CLU: variants seen among roughly 807,000 people sequenced by gnomAD.
CLU encodes the protein aging-associated protein 4.
CLU carries 25 observed loss-of-function variants against 46.4 expected under a neutral mutation model. The observed-to-expected ratio is 0.54, with a 90% CI of 0.39 to 0.75. CLU has a LOEUF of 0.75. CLU is among the 30% of genes least tolerant of loss of function. The probability of loss-of-function intolerance (pLI) is 0.00; values close to 1 mark genes in which losing one functional copy is unlikely to be tolerated. For missense variants in CLU, 504 were observed against 592.1 expected (o/e 0.85, Z 1.54); for synonymous variants, 235 against 235.1 (o/e 1.00, Z 0.00).
intron 6 of CLU, among the ~76,000 whole-genome samples, chr8:27,601,242 G>A (rs1800716289): frequency 6.6e-6 from 1 of 152,188 alleles, no homozygotes; most frequent in African/African-American, 2.4e-5. Flanking sequence ...GGAGAGACAG[G>A]GTTTCACCAT....
chr8:27,607,353 A>T (rs1423995054), intron 3 of CLU, among the ~76,000 whole-genome samples: 1 of 151,572 alleles, frequency 6.6e-6, no homozygotes, highest in Non-Finnish European at 1.5e-5. Flanking sequence ...ACAAAACAAA[A>T]CAAAACAAAA....
At position 27,599,683 on chromosome 8, in the gene CLU, G is replaced by A; in HGVS notation, c.1164+97C>T. 1 of 926,518 alleles carries A rather than the reference G, an allele frequency of 1.1e-6. No homozygotes were observed. Among genetic ancestry groups the A allele is most frequent in the South Asian group, 1.4e-5 (1 of 71,178 alleles). 57.4% of individuals were successfully genotyped at this position (926,518 alleles called of 1,614,324 possible). ...GGGCGCCTAAAGTTTTCTATTTTCT[G>A]CCGTGTGATAAATGCTCAGTCAAAA... On this transcript the variant is annotated intron_variant, in intron 7 of 8. Transcript: ENST00000316403. The surrounding 1 kb of genome is among the most constrained non-coding windows in gnomAD (Gnocchi z 4.0).
At chr8:27,612,443 T>C (rs908244868) in intron 1 of CLU, among the ~76,000 whole-genome samples, 7 of 152,142 alleles carry the variant, frequency 4.6e-5, no homozygotes, top group African/African-American at 1.7e-4. Context: ...CAAATTAGAC[T>C]GAGGTCTGAG....
At chr8:27,609,495 T>C (rs1418903045) in intron 2 of CLU, among the ~76,000 whole-genome samples, 1 of 149,578 alleles carries the variant, frequency 6.7e-6, no homozygotes, top group Non-Finnish European at 1.5e-5. Context: ...AACAGATATG[T>C]GTATTTCTTT....
chr8:27,610,707 C>T, intron 1 of CLU, 107 bp from the exon 2 acceptor site: 1 of 810,936 alleles, frequency 1.2e-6, no homozygotes. Flanking sequence ...CTCAGCTGTC[C>T]CCACAGCAGG....
intron 6 of CLU, among the ~76,000 whole-genome samples, chr8:27,603,289 C>T (rs1001090891): frequency 6.6e-6 from 1 of 152,234 alleles, no homozygotes; most frequent in African/African-American, 2.4e-5. Flanking sequence ...TGGTTGTGCA[C>T]TCATCTACAG....
rs1319954188 is a variant in CLU at position 27,597,703 on chromosome 8, A to C, written c.*538T>G. ...CGCACCTTGGTCAGAATACATCGACAGTTTTATAATAGAACAGAAAAGCTT... is the reference window on the plus strand; with the variant it reads ...CGCACCTTGGTCAGAATACATCGACCGTTTTATAATAGAACAGAAAAGCTT... On this transcript the variant is annotated 3_prime_UTR_variant, in exon 9 of 9. Coordinates refer to ENST00000316403, the MANE Select transcript of CLU (RefSeq NM_001831.4). The C allele has an allele frequency of 2.2e-6, 1 of 454,250 alleles. No homozygotes were observed. The highest frequency in any genetic ancestry group is 2.3e-5 in the Admixed American group (1 of 42,578). The allele number at this position is 454,250 out of a possible 1,614,324, so 28.1% of individuals were successfully genotyped here.
At position 27,598,206 on chromosome 8, in the gene CLU, G is replaced by T; in HGVS notation, c.*35C>A. On this transcript the variant is annotated 3_prime_UTR_variant, in exon 9 of 9. Coordinates refer to ENST00000316403, the MANE Select transcript of CLU (RefSeq NM_001831.4). ...CTCATCTTGGGGGGAGCTGGACTCA[G>T]ATGCCCCCGTAGGTGCAAAAGCAAC... 1 of 1,611,448 alleles carries T rather than the reference G, an allele frequency of 6.2e-7. No homozygotes were observed. The highest frequency in any genetic ancestry group is 8.5e-7 in the Non-Finnish European group (1 of 1,177,894).
At chr8:27,598,833 T>C in intron 7 of CLU, 198 bp from the exon 8 acceptor site, 1 of 609,888 alleles carries the variant, frequency 1.6e-6, no homozygotes, top group Admixed American at 2.7e-5. Flanking sequence ...CAGACACTCA[T>C]GTGTTGGGGC....
chr8:27,608,351 A>G (rs1045342867), intron 3 of CLU, among the ~76,000 whole-genome samples: 1 of 152,216 alleles, frequency 6.6e-6, no homozygotes, highest in Admixed American at 6.5e-5. Context: ...TTAGCATCTG[A>G]AGTAGGGCGA....
At chr8:27,611,633 G>A (rs1309902566) in intron 1 of CLU, 3 of 457,716 alleles carry the variant, frequency 6.6e-6, no homozygotes, top group Non-Finnish European at 1.3e-5. Context: ...CAGGACGATG[G>A]GGTTCCCCTT....
At chr8:27,611,746 C>A in intron 1 of CLU, 1 of 457,710 alleles carries the variant, frequency 2.2e-6, no homozygotes, top group Non-Finnish European at 4.4e-6. Flanking sequence ...TAATCAGGCG[C>A]AAAGAGCCAG....
chr8:27,606,957 G>A (rs1398829022), intron 3 of CLU, among the ~76,000 whole-genome samples: 4 of 152,230 alleles, frequency 2.6e-5, no homozygotes, highest in Non-Finnish European at 5.9e-5. Context: ...GGCGTGCAAA[G>A]GGAATGGCAG....
At chr8:27,612,706 G>T (rs1367643527) in intron 1 of CLU, among the ~76,000 whole-genome samples, 1 of 151,974 alleles carries the variant, frequency 6.6e-6, no homozygotes, top group Non-Finnish European at 1.5e-5. Flanking sequence ...TGACTGCACA[G>T]CCGACCTCCT....
In CLU at chr8:27,599,782, T is replaced by C; in HGVS notation, c.1162A>G (p.Thr388Ala). 6.2e-7 allele frequency: 1 copy of C among 1,606,546 alleles called. No homozygotes were observed. The highest frequency in any genetic ancestry group is 8.5e-7 in the Non-Finnish European group (1 of 1,175,988). Reference sequence around the variant, plus strand: ...CATGTGGCCGGGACACAGCTCACCGTGGTGACCCGCAGATAGTACTGGTCT... The same window carrying C: ...CATGTGGCCGGGACACAGCTCACCGCGGTGACCCGCAGATAGTACTGGTCT... ...GEDQYYLRVT[T>A]VASHTSDSDV... The change falls in exon 7 of 9, where the codon ACG becomes GCG. Residue 388 changes from threonine (T) to alanine (A), a missense_variant and splice_region_variant. Physicochemically the swap from Thr to Ala is moderately conservative, Grantham distance 58. This residue lies in a region of CLU where 428 missense variants were observed against 484.0 expected (regional missense o/e 0.88). Coordinates refer to ENST00000316403, the MANE Select transcript of CLU (RefSeq NM_001831.4). This position sits in a 1 kb window ranked among gnomAD's most constrained non-coding sequence, Gnocchi z 4.0.
intron 6 of CLU, among the ~76,000 whole-genome samples, chr8:27,601,793 C>A (rs1406634779): frequency 6.6e-6 from 1 of 150,534 alleles, no homozygotes; most frequent in African/African-American, 2.4e-5. Flanking sequence ...ATTATTTTAC[C>A]AAAAAAAAAT....
rs1193077872 is a variant in CLU at position 27,598,185 on chromosome 8, T to C, written c.*56A>G. The C allele has an allele frequency of 6.3e-7, 1 of 1,595,158 alleles. No homozygotes were observed. The highest frequency in any genetic ancestry group is 1.7e-5 in the Admixed American group (1 of 59,736). On this transcript the variant is annotated 3_prime_UTR_variant, in exon 9 of 9. Transcript: ENST00000316403. ...GCTCTCTCTGGGGGGCTGCAGCTCA[T>C]CTTGGGGGGAGCTGGACTCAGATGC...
At chr8:27,608,835 C>G in intron 3 of CLU, 103 bp downstream of exon 3, 2 of 1,233,006 alleles carry the variant, frequency 1.6e-6, no homozygotes, top group Non-Finnish European at 2.4e-6. Flanking sequence ...CCTGGGAGGA[C>G]TGCGGGTCAC....
At chr8:27,602,006 G>A (rs982453503) in intron 6 of CLU, among the ~76,000 whole-genome samples, 2 of 152,138 alleles carry the variant, frequency 1.3e-5, no homozygotes, top group East Asian at 1.9e-4. Context: ...CAGGAGAATC[G>A]CTTGAACCCA....
Sources: allele counts gnomAD v4.1 joint callset (sites outside exome capture counted in the v4.1 genomes callset), GRCh38; gene constraint gnomAD v4.1.1; regional missense constraint gnomAD v4.1.1; non-coding constraint Gnocchi (gnomAD v3.1); transcripts MANE v1.5; gene names NCBI Gene and HGNC (gene_info 2026-07-23, HGNC 2026-07-21).